THSD4: variants seen among roughly 807,000 people sequenced by gnomAD.
The protein encoded by THSD4 is thrombospondin type 1 domain containing 4.
In THSD4, 69 loss-of-function variants were observed where a neutral mutation model predicts 119.0. The observed-to-expected ratio is 0.58, with a 90% confidence interval of 0.48 to 0.71. The LOEUF (loss-of-function observed/expected upper bound fraction) is 0.71. Among genes scored for constraint, THSD4 ranks in the 30% least tolerant of loss-of-function variants. The pLI is 0.00. For missense variants in THSD4, 1,393 were observed against 1,391.1 expected (o/e 1.00, Z -0.02); for synonymous variants, 524 against 540.4 (o/e 0.97, Z 0.42).
intron 7 of THSD4, among the ~76,000 whole-genome samples, chr15:71,526,247 A>G (rs1300739788): frequency 6.6e-6 from 1 of 152,188 alleles, no homozygotes; most frequent in Non-Finnish European, 1.5e-5. Flanking sequence ...GAGAGAAATG[A>G]GCCTGGATTC....
intron 7 of THSD4, among the ~76,000 whole-genome samples, chr15:71,628,047 A>G (rs557577889): frequency 2.4e-4 from 36 of 152,356 alleles, no homozygotes; most frequent in African/African-American, 8.7e-4. Context: ...ATGGGCACAC[A>G]GTAGGATCAC....
intron 6 of THSD4, among the ~76,000 whole-genome samples, chr15:71,326,646 C>T: frequency 8.7e-6 from 1 of 115,196 alleles, no homozygotes; most frequent in Admixed American, 1.0e-4. Context: ...TGCACTCCAG[C>T]CTGGGCAACA....
intron 6 of THSD4, among the ~76,000 whole-genome samples, chr15:71,333,156 A>C (rs910731395): frequency 6.6e-6 from 1 of 151,982 alleles, no homozygotes; most frequent in Admixed American, 6.6e-5. Context: ...TGGGGGCATA[A>C]AGAGCCACTT....
chr15:71,180,974 C>T (rs1224268528), intron 3 of THSD4, among the ~76,000 whole-genome samples: 1 of 152,082 alleles, frequency 6.6e-6, no homozygotes, highest in African/African-American at 2.4e-5. Context: ...GAAGACAGTG[C>T]AGTGAATCAA....
At chr15:71,265,576 C>A (rs2044455272) in intron 6 of THSD4, among the ~76,000 whole-genome samples, 1 of 152,064 alleles carries the variant, frequency 6.6e-6, no homozygotes, top group African/African-American at 2.4e-5. Context: ...TTTCGTACCC[C>A]AGTGGCGCCT....
chr15:71,451,530 A>T (rs2047265860), intron 7 of THSD4, among the ~76,000 whole-genome samples: 1 of 152,166 alleles, frequency 6.6e-6, no homozygotes, highest in Non-Finnish European at 1.5e-5. Context: ...AGTAATCAGC[A>T]CACCAAAGTG....
chr15:71,662,940 A>G (rs758474268), intron 8 of THSD4, among the ~76,000 whole-genome samples: 1 of 152,122 alleles, frequency 6.6e-6, no homozygotes, highest in Non-Finnish European at 1.5e-5. Context: ...GATGAAGGGA[A>G]GGCAGAGGGA....
At chr15:71,526,698 A>G (rs1380292142) in intron 7 of THSD4, among the ~76,000 whole-genome samples, 2 of 152,218 alleles carry the variant, frequency 1.3e-5, no homozygotes, top group African/African-American at 4.8e-5. Context: ...CACTTTTCCA[A>G]TTAGGTGATG....
intron 7 of THSD4, among the ~76,000 whole-genome samples, chr15:71,600,310 T>C (rs2049982853): frequency 6.6e-6 from 1 of 152,188 alleles, no homozygotes; most frequent in Admixed American, 6.5e-5. Flanking sequence ...CAGGAAACCT[T>C]CTGTGATTTC....
intron 3 of THSD4, among the ~76,000 whole-genome samples, chr15:71,205,613 A>G (rs1454650633): frequency 6.6e-6 from 1 of 152,132 alleles, no homozygotes; most frequent in Non-Finnish European, 1.5e-5. Flanking sequence ...AATAATTTCT[A>G]TTGGGGCAAT....
chr15:71,544,440 G>T (rs1388118902), intron 7 of THSD4, among the ~76,000 whole-genome samples: 1 of 152,172 alleles, frequency 6.6e-6, no homozygotes. Context: ...GAAAGAGAGT[G>T]GTTCAAACAG....
chr15:71,645,696 T>C (rs985101125), intron 7 of THSD4, among the ~76,000 whole-genome samples: 4 of 152,188 alleles, frequency 2.6e-5, no homozygotes, highest in Non-Finnish European at 4.4e-5. Flanking sequence ...GGAAAAAAGC[T>C]TTTATCACAG....
At chr15:71,218,750 C>T (rs527318722) in intron 4 of THSD4, among the ~76,000 whole-genome samples, 39 of 152,240 alleles carry the variant, frequency 2.6e-4, no homozygotes, top group Admixed American at 5.2e-4. Flanking sequence ...GATGGCTGTC[C>T]GCTCCACTCT....
intron 6 of THSD4, among the ~76,000 whole-genome samples, chr15:71,298,696 T>G (rs1273235057): frequency 1.3e-5 from 2 of 149,384 alleles, no homozygotes; most frequent in African/African-American, 4.9e-5. Context: ...CACTGCAATC[T>G]CTGCCTCCTG....
chr15:71,580,091 A>G lies in THSD4; in HGVS notation c.1153-80439A>G, dbSNP rs547005138. Among the ~76,000 whole-genome samples, 4 of 152,308 alleles carry G rather than the reference A, an allele frequency of 2.6e-5. No homozygotes were observed. The South Asian group carries it at 8.3e-4, about 32-fold the overall frequency. On this transcript the variant is annotated intron_variant, in intron 7 of 17. Transcript: ENST00000261862. ...AGAGAGAGTTTTCAAAAAAGAATAC[A>G]TGTAATTTGTACACAGCAGGCAGTA...
chr15:71,148,025 C>T (rs2040681386), intron 2 of THSD4, among the ~76,000 whole-genome samples: 1 of 149,236 alleles, frequency 6.7e-6, no homozygotes, highest in Non-Finnish European at 1.5e-5. Flanking sequence ...CCTCACATTG[C>T]CAGAAGTACT....
intron 5 of THSD4, among the ~76,000 whole-genome samples, chr15:71,246,315 A>G (rs1227048729): frequency 6.6e-6 from 1 of 152,084 alleles, no homozygotes; most frequent in African/African-American, 2.4e-5. Flanking sequence ...ATGGAGTAAG[A>G]TCTCCCCTAT....
intron 5 of THSD4, among the ~76,000 whole-genome samples, chr15:71,249,256 ACG>A: frequency 6.6e-6 from 1 of 152,058 alleles, no homozygotes; most frequent in Non-Finnish European, 1.5e-5. Flanking sequence ...ATATATACAC[ACG>A]AGAATTGTTA....
At chr15:71,742,160 C>A (rs2053249182) in intron 11 of THSD4, among the ~76,000 whole-genome samples, 3 of 152,210 alleles carry the variant, frequency 2.0e-5, no homozygotes, top group Admixed American at 1.3e-4. Flanking sequence ...CGCCTAAACC[C>A]TTCTCCAGTC....
Sources: gnomAD v4.1 joint callset for allele counts (sites outside exome capture counted in the v4.1 genomes callset) on GRCh38, gnomAD v4.1.1 for gene constraint, MANE v1.5 for transcripts, NCBI Gene and HGNC (gene_info 2026-07-23, HGNC 2026-07-21) for gene names.